EXOC6: variants seen among roughly 807,000 people sequenced by gnomAD.
EXOC6 encodes exocyst complex component 6, also known as SEC15-like 1.
In EXOC6, 60 loss-of-function variants were observed where a neutral mutation model predicts 112.5. The ratio of observed to expected loss-of-function variants is 0.53; its 90% CI spans 0.43 to 0.66. The LOEUF is 0.66. Ranked by LOEUF, EXOC6 falls within the 30% of genes least tolerant of loss-of-function variation. EXOC6 has a pLI of 0.00. For synonymous variants in EXOC6, 295 were observed against 308.0 expected (o/e 0.96, Z 0.44); for missense variants, 855 against 957.1 (o/e 0.89, Z 1.41).
At chr10:92,863,105 T>C (rs1847986866) in intron 1 of EXOC6, among the ~76,000 whole-genome samples, 1 of 152,212 alleles carries the variant, frequency 6.6e-6, no homozygotes, top group South Asian at 2.1e-4. Flanking sequence ...GGCTAATTAA[T>C]CAGTGTAACC....
At chr10:92,939,930 G>A (rs1165894083) in intron 12 of EXOC6, among the ~76,000 whole-genome samples, 1 of 152,112 alleles carries the variant, frequency 6.6e-6, no homozygotes, top group Non-Finnish European at 1.5e-5. Context: ...TAGTACGTTT[G>A]ACTTTGAAGG....
At chr10:92,988,132 C>CT (rs1204402017) in intron 18 of EXOC6, among the ~76,000 whole-genome samples, 5 of 152,208 alleles carry the variant, frequency 3.3e-5, no homozygotes, top group Admixed American at 1.3e-4. Flanking sequence ...TCGTAGAAGT[C>CT]TAACCCAGTG....
chr10:92,877,126 T>G (rs1848717830), intron 1 of EXOC6, among the ~76,000 whole-genome samples: 1 of 152,212 alleles, frequency 6.6e-6, no homozygotes, highest in Non-Finnish European at 1.5e-5. Context: ...GTTTTGGTAT[T>G]GCCCACTTCT....
At chr10:92,854,939 C>T (rs1589703395) in intron 1 of EXOC6, among the ~76,000 whole-genome samples, 1 of 152,102 alleles carries the variant, frequency 6.6e-6, no homozygotes, top group African/African-American at 2.4e-5. Context: ...TGGTACATTA[C>T]ATTGATTGAT....
At chr10:92,830,313 T>C (rs181973700), upstream of EXOC6, among the ~76,000 whole-genome samples, 3 of 152,300 alleles carry the variant, frequency 2.0e-5, no homozygotes, top group South Asian at 2.1e-4. Context: ...GAGCGACTGA[T>C]GCAGTTTTAT....
rs1564810029 is a variant in EXOC6, at chr10:92,896,173, ATATATATATTTTTTTTTTTTTT to A, written c.412+1155_412+1176del. On this transcript the variant is annotated intron_variant, in intron 4 of 21. Coordinates refer to ENST00000260762, the MANE Select transcript of EXOC6 (RefSeq NM_019053.6). ...TATATATATATATATATATATATAT[ATATATATATTTTTTTTTTTTTT>A]TTTTTTTTTTTTTTTTTTTTTTGGC... is the stretch of plus-strand genomic sequence containing the variant. Among the ~76,000 whole-genome samples the A allele has an allele frequency of 5.5e-3, 131 of 23,802 alleles. 10 individuals are homozygous for A. Among genetic ancestry groups the A allele is most frequent in the African/African-American group, 0.013 (71 of 5,260 alleles). The allele number at this position is 23,802 out of a possible 152,430, so 15.6% of individuals were successfully genotyped here. A position where few individuals can be genotyped will look rare whatever the true frequency, so the allele number is the denominator to read the frequency against.
At chr10:92,888,768 A>C (rs747998407) in intron 1 of EXOC6, among the ~76,000 whole-genome samples, 1 of 152,240 alleles carries the variant, frequency 6.6e-6, no homozygotes, top group African/African-American at 2.4e-5. Context: ...AAATTTGTTT[A>C]TAGCACACCA....
At chr10:93,021,794 T>G (rs1650877959) in intron 20 of EXOC6, among the ~76,000 whole-genome samples, 1 of 152,238 alleles carries the variant, frequency 6.6e-6, no homozygotes, top group African/African-American at 2.4e-5. Context: ...GATTTGAGAA[T>G]AATTCTCATT....
At chr10:93,014,362 G>T (rs1328633261) in intron 20 of EXOC6, 95 bp downstream of exon 20, 2 of 928,090 alleles carry the variant, frequency 2.2e-6, no homozygotes, top group Admixed American at 2.1e-5. Flanking sequence ...ATGCCTGTTT[G>T]CCTTGAAACA....
At chr10:93,004,585 T>G (rs1283422047) in intron 19 of EXOC6, among the ~76,000 whole-genome samples, 3 of 152,238 alleles carry the variant, frequency 2.0e-5, no homozygotes, top group Non-Finnish European at 4.4e-5. Context: ...TTTTAAAATG[T>G]TTCCTTGTAG....
intron 5 of EXOC6, among the ~76,000 whole-genome samples, chr10:92,905,842 C>A (rs1168965001): frequency 6.6e-6 from 1 of 152,088 alleles, no homozygotes; most frequent in African/African-American, 2.4e-5. Flanking sequence ...TCTGTCAATG[C>A]CAATTAGATC....
chr10:93,014,325 C>CTTT, intron 20 of EXOC6, 58 bp downstream of exon 20: 8 of 1,074,674 alleles, frequency 7.4e-6, no homozygotes, highest in South Asian at 3.2e-5. Context: ...CCTCCCCTCA[C>CTTT]TTTTTTTTTT....
At chr10:92,976,051 G>T (rs1294327216) in intron 18 of EXOC6, among the ~76,000 whole-genome samples, 3 of 145,520 alleles carry the variant, frequency 2.1e-5, no homozygotes, top group Non-Finnish European at 4.6e-5. Flanking sequence ...GAGGTGGGGG[G>T]GGGGGTCAGC....
At chr10:92,873,716 A>T (rs1000153819) in intron 1 of EXOC6, among the ~76,000 whole-genome samples, 2 of 152,168 alleles carry the variant, frequency 1.3e-5, no homozygotes, top group African/African-American at 4.8e-5. Context: ...CGTGAGTTTT[A>T]TGTAAACAAG....
chr10:93,032,791 G>C (rs1845330076), intron 20 of EXOC6, among the ~76,000 whole-genome samples: 1 of 152,182 alleles, frequency 6.6e-6, no homozygotes, highest in African/African-American at 2.4e-5. Context: ...TAGATGGTAT[G>C]AGAAAAATAA....
intron 19 of EXOC6, among the ~76,000 whole-genome samples, chr10:93,009,619 A>G (rs1308187750): frequency 1.3e-5 from 2 of 152,200 alleles, no homozygotes; most frequent in Admixed American, 6.5e-5. Context: ...CTGCAGGGAT[A>G]ATGGAAGTCT....
intron 18 of EXOC6, among the ~76,000 whole-genome samples, chr10:92,980,073 T>C (rs1006396011): frequency 1.3e-5 from 2 of 152,142 alleles, no homozygotes; most frequent in African/African-American, 4.8e-5. Flanking sequence ...ACCCAAAATG[T>C]TAAGCTTCCC....
At chr10:93,050,017 CTGTA>C (rs1438292905) in intron 20 of EXOC6, among the ~76,000 whole-genome samples, 1 of 151,716 alleles carries the variant, frequency 6.6e-6, no homozygotes, top group African/African-American at 2.4e-5. Context: ...AATGAGTTAA[CTGTA>C]TGGTACATCT....
intron 6 of EXOC6, among the ~76,000 whole-genome samples, chr10:92,913,831 CA>C (rs1217584824): frequency 6.6e-6 from 1 of 151,924 alleles, no homozygotes; most frequent in African/African-American, 2.4e-5. Context: ...ATGAGTGGCA[CA>C]AAAAAAGTTA....
Sources: gnomAD v4.1 joint callset for allele counts (sites outside exome capture counted in the v4.1 genomes callset) on GRCh38, gnomAD v4.1.1 for gene constraint, MANE v1.5 for transcripts, NCBI Gene and HGNC (gene_info 2026-07-23, HGNC 2026-07-21) for gene names.